STK32B: variants seen among roughly 807,000 people sequenced by gnomAD.
STK32B encodes the protein serine/threonine-protein kinase 32B.
STK32B carries 43 observed loss-of-function variants against 52.6 expected under a neutral mutation model. That is an observed-to-expected ratio of 0.82 (90% CI 0.64 to 1.05). The LOEUF (loss-of-function observed/expected upper bound fraction) is 1.05, where lower values mean the gene tolerates loss of function less well. STK32B is among the 50% of genes least tolerant of loss of function. STK32B has a pLI of 0.00. For synonymous variants in STK32B, 238 were observed against 204.3 expected (o/e 1.17, Z -1.41); for missense variants, 621 against 534.6 (o/e 1.16, Z -1.59).
chr4:5,304,581 C>T (rs569424230), intron 3 of STK32B, among the ~76,000 whole-genome samples: 26 of 152,024 alleles, frequency 1.7e-4, no homozygotes, highest in Non-Finnish European at 2.9e-4. Flanking sequence ...GGAGCTTTTT[C>T]GATGAGTCTT....
At chr4:5,406,562 C>A (rs1471742596) in intron 5 of STK32B, among the ~76,000 whole-genome samples, 1 of 152,174 alleles carries the variant, frequency 6.6e-6, no homozygotes, top group Non-Finnish European at 1.5e-5. Flanking sequence ...TCTCTGAAAT[C>A]TAGGTGGAGG....
intron 11 of STK32B, among the ~76,000 whole-genome samples, chr4:5,476,086 GAT>G (rs1464693683): frequency 6.6e-6 from 1 of 151,916 alleles, no homozygotes; most frequent in Non-Finnish European, 1.5e-5. Context: ...TTTTAGTAGA[GAT>G]GGGGTTTCGC....
chr4:5,443,907 C>G (rs1050238325), intron 6 of STK32B, among the ~76,000 whole-genome samples: 1 of 152,238 alleles, frequency 6.6e-6, no homozygotes, highest in Non-Finnish European at 1.5e-5. Context: ...GCCAGTCAGG[C>G]TGCTCGGTGG....
intron 4 of STK32B, among the ~76,000 whole-genome samples, chr4:5,375,659 C>T (rs1735541237): frequency 6.6e-6 from 1 of 152,224 alleles, no homozygotes; most frequent in African/African-American, 2.4e-5. Flanking sequence ...GAAGTTTCCT[C>T]TTTGCTGCCT....
At chr4:5,404,026 G>A (rs1737489825) in intron 5 of STK32B, among the ~76,000 whole-genome samples, 1 of 151,846 alleles carries the variant, frequency 6.6e-6, no homozygotes, top group Admixed American at 6.5e-5. Flanking sequence ...CGAGCTGCCA[G>A]AAATGGGGTT....
intron 1 of STK32B, among the ~76,000 whole-genome samples, chr4:5,089,572 T>C (rs1014860716): frequency 4.6e-5 from 7 of 152,218 alleles, no homozygotes; most frequent in African/African-American, 9.6e-5. Context: ...ACATTTTCTT[T>C]ATCCAGTCTA....
chr4:5,496,544 T>A (rs912971972), intron 11 of STK32B, among the ~76,000 whole-genome samples: 10 of 118,216 alleles, frequency 8.5e-5, no homozygotes, highest in Middle Eastern at 4.2e-3. Context: ...AGGCAATGCC[T>A]TGCCCTGCAC....
chr4:5,148,949 C>T (rs539082433), intron 2 of STK32B, among the ~76,000 whole-genome samples: 1 of 151,796 alleles, frequency 6.6e-6, no homozygotes, highest in African/African-American at 2.4e-5. Flanking sequence ...GATGAATTGT[C>T]CCTACTATTA....
intron 3 of STK32B, among the ~76,000 whole-genome samples, chr4:5,240,931 C>T (rs893295948): frequency 3.9e-5 from 6 of 152,140 alleles, no homozygotes; most frequent in Non-Finnish European, 4.4e-5. Flanking sequence ...ATCAATAACT[C>T]ACCATCTTAC....
chr4:5,399,235 T>C lies in STK32B; in HGVS notation c.472+991T>C, dbSNP rs1737127602. Among the ~76,000 whole-genome samples the C allele has an allele frequency of 6.6e-6, 1 of 151,070 alleles. No homozygotes were observed. Among genetic ancestry groups the C allele is most frequent in the Admixed American group, 6.6e-5 (1 of 15,254 alleles). The stretch of plus-strand genomic sequence containing the variant: ...GGAGCAGGTGCGAATTCTTCTGAAG[T>C]AGGGATTCTCATCCCTGCTGAGGCC... On this transcript the variant is annotated intron_variant, in intron 5 of 11. Transcript: ENST00000282908. This position sits in a 1 kb window ranked among gnomAD's most constrained non-coding sequence, Gnocchi z 5.4.
chr4:5,237,965 G>A (rs553557326), intron 3 of STK32B, among the ~76,000 whole-genome samples: 2 of 152,150 alleles, frequency 1.3e-5, no homozygotes, highest in South Asian at 4.2e-4. Context: ...GGCCCTTTTT[G>A]CCCCCTCTAG....
chr4:5,135,653 C>G (rs1420450638), intron 1 of STK32B, among the ~76,000 whole-genome samples: 3 of 152,138 alleles, frequency 2.0e-5, no homozygotes, highest in African/African-American at 7.2e-5. Context: ...AGTGGCTTCC[C>G]TGCATCTGTC....
chr4:5,259,661 A>G (rs904480498), intron 3 of STK32B, among the ~76,000 whole-genome samples: 3 of 152,218 alleles, frequency 2.0e-5, no homozygotes, highest in African/African-American at 7.2e-5. Flanking sequence ...ATAATTTTCA[A>G]AACCTGTTTC....
intron 3 of STK32B, among the ~76,000 whole-genome samples, chr4:5,281,573 G>C (rs917181297): frequency 1.3e-5 from 2 of 152,070 alleles, no homozygotes; most frequent in African/African-American, 4.8e-5. Context: ...AAACCTGCGT[G>C]TTCTGTACAT....
chr4:5,316,344 T>TATATTG (rs1491438254), intron 3 of STK32B, among the ~76,000 whole-genome samples: 30 of 52,660 alleles, frequency 5.7e-4, no homozygotes, highest in African/African-American at 2.1e-3. Flanking sequence ...ATATAATATA[T>TATATTG]TATATCATAT....
chr4:5,311,036 G>A (rs1365583535), intron 3 of STK32B, among the ~76,000 whole-genome samples: 3 of 152,074 alleles, frequency 2.0e-5, no homozygotes, highest in Admixed American at 6.5e-5. Context: ...CTAATGGTGG[G>A]GAAAAGTGGC....
At chr4:5,297,228 C>T (rs111914146) in intron 3 of STK32B, among the ~76,000 whole-genome samples, 29 of 152,254 alleles carry the variant, frequency 1.9e-4, no homozygotes, top group Non-Finnish European at 2.8e-4. Context: ...TTCATTTCAA[C>T]CTTTGTGAAT....
rs190921522 is a variant in STK32B, at chr4:5,296,368, A to T, written c.261-34852A>T. On this transcript the variant is annotated intron_variant, in intron 3 of 11. Coordinates refer to ENST00000282908, the MANE Select transcript of STK32B (RefSeq NM_018401.3). ...TCTAATATGGAAAGTGAGGTGTTAA[A>T]GTCTTCCACTGTTATTGTGTGGGAG... Among the ~76,000 whole-genome samples the T allele has an allele frequency of 3.3e-3, 502 of 152,266 alleles. 4 individuals are homozygous for T. Among genetic ancestry groups the T allele is most frequent in the African/African-American group, 0.012 (479 of 41,564 alleles).
chr4:5,412,871 C>T (rs1711813716), intron 5 of STK32B, among the ~76,000 whole-genome samples: 1 of 152,100 alleles, frequency 6.6e-6, no homozygotes, highest in South Asian at 2.1e-4. Context: ...AAAATTGAGT[C>T]CGATCATATC....
Sources: allele counts gnomAD v4.1 joint callset (sites outside exome capture counted in the v4.1 genomes callset), GRCh38; gene constraint gnomAD v4.1.1; non-coding constraint Gnocchi (gnomAD v3.1); transcripts MANE v1.5; gene names NCBI Gene and HGNC (gene_info 2026-07-23, HGNC 2026-07-21).